ANXA4: variants seen among roughly 807,000 people sequenced by gnomAD.
The protein encoded by ANXA4 is annexin A4.
ANXA4 carries 39 observed loss-of-function variants against 49.8 expected under a neutral mutation model. That is an observed-to-expected ratio of 0.78 (90% CI 0.61 to 1.02). ANXA4 has a LOEUF of 1.02. ANXA4 is among the 50% of genes least tolerant of loss of function. The probability of loss-of-function intolerance (pLI) is 0.00; values close to 1 mark genes in which losing one functional copy is unlikely to be tolerated. For missense variants in ANXA4, 360 were observed against 410.1 expected (o/e 0.88, Z 1.05); for synonymous variants, 134 against 152.5 (o/e 0.88, Z 0.89).
intron 3 of ANXA4, among the ~76,000 whole-genome samples, chr2:69,727,016 G>A (rs1012597984): frequency 1.3e-5 from 2 of 152,036 alleles, no homozygotes; most frequent in Admixed American, 1.3e-4. Flanking sequence ...CCGAGTAGCT[G>A]GGACTACAGG....
intron 11 of ANXA4, among the ~76,000 whole-genome samples, chr2:69,820,371 G>A (rs545942024): frequency 6.6e-6 from 1 of 152,230 alleles, no homozygotes; most frequent in Non-Finnish European, 1.5e-5. Flanking sequence ...AAGGGAAGGG[G>A]TGATAAGGCT....
At chr2:69,751,165 C>G (rs903542941) in intron 1 of ANXA4, among the ~76,000 whole-genome samples, 1 of 151,250 alleles carries the variant, frequency 6.6e-6, no homozygotes, top group African/African-American at 2.4e-5. Flanking sequence ...AGCTTCACAG[C>G]CAGGATTTGA....
intron 3 of ANXA4, among the ~76,000 whole-genome samples, chr2:69,734,394 G>T (rs1430552648): frequency 6.6e-6 from 1 of 152,200 alleles, no homozygotes; most frequent in Non-Finnish European, 1.5e-5. Context: ...TTAGATTATA[G>T]TTTAACTGTA....
chr2:69,748,257 T>G, intron 1 of ANXA4, among the ~76,000 whole-genome samples: 1 of 151,670 alleles, frequency 6.6e-6, no homozygotes. Context: ...CGGGTGCCCG[T>G]AGGCCCAGCT....
intron 3 of ANXA4, among the ~76,000 whole-genome samples, chr2:69,797,447 T>G (rs1573277947): frequency 6.6e-6 from 1 of 152,350 alleles, no homozygotes; most frequent in African/African-American, 2.4e-5. Context: ...TCTGACCTCC[T>G]AGACCTGTGT....
chr2:69,729,428 G>C (rs1356399470), intron 3 of ANXA4, among the ~76,000 whole-genome samples: 3 of 152,348 alleles, frequency 2.0e-5, no homozygotes, highest in Non-Finnish European at 4.4e-5. Context: ...CACGAGAAGA[G>C]AGTAACATAG....
chr2:69,656,344 T>C (rs1326531881), intron 2 of ANXA4, among the ~76,000 whole-genome samples: 1 of 99,776 alleles, frequency 1.0e-5, no homozygotes, highest in Non-Finnish European at 1.7e-5. Flanking sequence ...TGTATATATA[T>C]GTGTATATAT....
intron 2 of ANXA4, among the ~76,000 whole-genome samples, chr2:69,698,118 T>G (rs548514392): frequency 1.1e-4 from 17 of 152,246 alleles, no homozygotes; most frequent in African/African-American, 4.1e-4. Flanking sequence ...TGCTTTCTGG[T>G]TCATAGTTGT....
intron 2 of ANXA4, among the ~76,000 whole-genome samples, chr2:69,718,760 C>A (rs1573141661): frequency 7.0e-6 from 1 of 142,642 alleles, no homozygotes; most frequent in Admixed American, 6.8e-5. Flanking sequence ...TGCATACACA[C>A]ACATACACAC....
intron 1 of ANXA4, among the ~76,000 whole-genome samples, chr2:69,745,139 G>A (rs2105476108): frequency 6.6e-6 from 1 of 152,248 alleles, no homozygotes; most frequent in Non-Finnish European, 1.5e-5. Flanking sequence ...TGAGTGTGAG[G>A]GGTGCATGCT....
intron 1 of ANXA4, among the ~76,000 whole-genome samples, chr2:69,766,158 GTA>G (rs1671485216): frequency 6.6e-6 from 1 of 152,192 alleles, no homozygotes; most frequent in African/African-American, 2.4e-5. Flanking sequence ...TGACTTGTTG[GTA>G]AATGTGAAAG....
chr2:69,772,607 C>A (rs778900313), intron 1 of ANXA4, among the ~76,000 whole-genome samples: 5 of 152,130 alleles, frequency 3.3e-5, no homozygotes, highest in South Asian at 4.1e-4. Context: ...GAGGCCTTAC[C>A]AGGTGCCAGG....
At chr2:69,722,911 G>A (rs1244178293) in intron 3 of ANXA4, among the ~76,000 whole-genome samples, 1 of 150,706 alleles carries the variant, frequency 6.6e-6, no homozygotes, top group Non-Finnish European at 1.5e-5. Flanking sequence ...GGTGGCTCAT[G>A]CCTGTAATCC....
chr2:69,794,502 GTTATA>G (rs762968222), intron 3 of ANXA4, among the ~76,000 whole-genome samples: 30,708 of 141,210 alleles, frequency 0.22, 3,243 homozygotes, highest in East Asian at 0.27. Context: ...GGTATGTTAT[GTTATA>G]TTATGTTATG....
chr2:69,794,858 T>G (rs1251165079), intron 3 of ANXA4, among the ~76,000 whole-genome samples: 1 of 152,174 alleles, frequency 6.6e-6, no homozygotes, highest in Non-Finnish European at 1.5e-5. Flanking sequence ...CTGTTTGAGT[T>G]TCTTTTATGA....
chr2:69,776,231 C>T (rs1301566620), intron 1 of ANXA4, among the ~76,000 whole-genome samples: 4 of 152,128 alleles, frequency 2.6e-5, no homozygotes, highest in African/African-American at 4.8e-5. Flanking sequence ...CCACCTCAGC[C>T]TCCCAAAGTG....
intron 2 of ANXA4, among the ~76,000 whole-genome samples, chr2:69,684,830 CAT>C (rs1677729420): frequency 6.6e-6 from 1 of 152,020 alleles, no homozygotes; most frequent in Non-Finnish European, 1.5e-5. Flanking sequence ...TTTTTCTCCA[CAT>C]GTTATCAGTA....
chr2:69,795,629 G>A (rs528615317), intron 3 of ANXA4, among the ~76,000 whole-genome samples: 3 of 152,198 alleles, frequency 2.0e-5, no homozygotes, highest in South Asian at 2.1e-4. Context: ...AAAAGAAGTG[G>A]GATTTTTAAG....
chr2:69,791,272 G>A (rs987390587), intron 3 of ANXA4, among the ~76,000 whole-genome samples: 32 of 152,160 alleles, frequency 2.1e-4, no homozygotes, highest in African/African-American at 7.7e-4. Flanking sequence ...GTTTTCCCCA[G>A]GGGCTTTTAT....
Sources: gnomAD v4.1 joint callset for allele counts (sites outside exome capture counted in the v4.1 genomes callset) on GRCh38, gnomAD v4.1.1 for gene constraint, MANE v1.5 for transcripts, NCBI Gene and HGNC (gene_info 2026-07-23, HGNC 2026-07-21) for gene names.